The following RIMS2 variants were observed in gnomAD, a reference collection of about 807,000 sequenced individuals.
RIMS2 encodes regulating synaptic membrane exocytosis 2.
RIMS2 carries 59 observed loss-of-function variants against 174.4 expected under a neutral mutation model. The ratio of observed to expected loss-of-function variants is 0.34; its 90% CI spans 0.27 to 0.42. RIMS2 has a LOEUF of 0.42. Among genes scored for constraint, RIMS2 ranks in the 10% least tolerant of loss-of-function variants. RIMS2 has a pLI of 1.00. For synonymous variants in RIMS2, 606 were observed against 572.5 expected, an observed-to-expected ratio of 1.06 and a Z score of -0.84; for missense variants, 1,620 against 1,666.3, an observed-to-expected ratio of 0.97 and a Z score of 0.48.
chr8:103,580,330 G>T (rs2093530384), intron 1 of RIMS2, among the ~76,000 whole-genome samples: 1 of 151,862 alleles, frequency 6.6e-6, no homozygotes. Context: ...TAAGCTTGAA[G>T]GGGTGGAAAA....
intron 17 of RIMS2, among the ~76,000 whole-genome samples, chr8:104,006,960 A>T (rs997777741): frequency 9.2e-5 from 14 of 152,264 alleles, no homozygotes; most frequent in Admixed American, 2.0e-4. Flanking sequence ...AGAAAAAACT[A>T]TCCCTGCTAT....
At chr8:103,535,768 C>T (rs553759670) in intron 1 of RIMS2, among the ~76,000 whole-genome samples, 1 of 152,220 alleles carries the variant, frequency 6.6e-6, no homozygotes, top group South Asian at 2.1e-4. Context: ...CTCTGAGATT[C>T]GAGTGATGAA....
At chr8:103,645,092 T>C (rs1198833358) in intron 1 of RIMS2, among the ~76,000 whole-genome samples, 1 of 152,104 alleles carries the variant, frequency 6.6e-6, no homozygotes, top group Non-Finnish European at 1.5e-5. Context: ...TTTATCTATT[T>C]GTGAATGTTT....
chr8:104,245,037 CAG>C lies in RIMS2; in HGVS notation c.3457_3458del (p.Ser1153LeufsTer17). 6.2e-7 allele frequency: 1 copy of C among 1,613,758 alleles called. No homozygotes were observed. Among genetic ancestry groups the C allele is most frequent in the Non-Finnish European group, 8.5e-7 (1 of 1,179,724 alleles). ...GAGAGTCTACAGATGGTAGCATGAA[CAG>C]CTACAGCTCAGAAGGAAAGTGAGTG... On this transcript the variant is annotated frameshift_variant, in exon 20 of 24. Coordinates refer to ENST00000504942, the Ensembl canonical transcript of RIMS2. LOFTEE classifies it high-confidence loss of function.
At chr8:103,899,478 G>T (rs1313024277) in intron 4 of RIMS2, among the ~76,000 whole-genome samples, 1 of 151,790 alleles carries the variant, frequency 6.6e-6, no homozygotes, top group Non-Finnish European at 1.5e-5. Flanking sequence ...GGCCAGTGAT[G>T]ATGAGCATTT....
At chr8:104,168,877 A>G (rs756927242) in intron 19 of RIMS2, among the ~76,000 whole-genome samples, 5 of 152,040 alleles carry the variant, frequency 3.3e-5, no homozygotes, top group Non-Finnish European at 7.4e-5. Flanking sequence ...ATTTTATCAA[A>G]TGCTTTTTCT....
chr8:103,665,271 A>G (rs922013944), intron 1 of RIMS2, among the ~76,000 whole-genome samples: 3 of 152,258 alleles, frequency 2.0e-5, no homozygotes, highest in Admixed American at 6.5e-5. Flanking sequence ...AACTTAAAGT[A>G]TAATGAAAAA....
Position 103,551,115 on chromosome 8 carries a change from T to A in RIMS2, c.176+50053T>A, listed in dbSNP as rs147895529. 3.7e-4 allele frequency among the ~76,000 whole-genome samples: 57 copies of A among 152,326 alleles called. 1 individual carries two copies. The highest frequency in any genetic ancestry group is 1.4e-3 in the African/African-American group (57 of 41,580). On this transcript the variant is annotated intron_variant, in intron 1 of 23. Coordinates refer to ENST00000504942, the Ensembl canonical transcript of RIMS2. Reference sequence around the variant, plus strand: ...TCATTTTATGAGGCCAGCATCATCCTGATACCAAAGCCTGGCAGAGACACA... The same window carrying A: ...TCATTTTATGAGGCCAGCATCATCCAGATACCAAAGCCTGGCAGAGACACA...
chr8:104,197,269 G>A (rs2099029677), intron 19 of RIMS2, among the ~76,000 whole-genome samples: 1 of 149,698 alleles, frequency 6.7e-6, no homozygotes, highest in East Asian at 2.0e-4. Flanking sequence ...TCCATTTCCT[G>A]GGTTCTTGCA....
chr8:103,611,065 T>G (rs2095352046), intron 1 of RIMS2, among the ~76,000 whole-genome samples: 1 of 152,200 alleles, frequency 6.6e-6, no homozygotes, highest in Non-Finnish European at 1.5e-5. Flanking sequence ...GTTGTATGTT[T>G]TTAGGAATTT....
At chr8:103,682,721 T>TA (rs2096895124) in intron 1 of RIMS2, among the ~76,000 whole-genome samples, 1 of 152,134 alleles carries the variant, frequency 6.6e-6, no homozygotes, top group Non-Finnish European at 1.5e-5. Flanking sequence ...TAAAATTTTT[T>TA]AAAAAAATCT....
intron 1 of RIMS2, among the ~76,000 whole-genome samples, chr8:103,605,263 G>T (rs1275167168): frequency 7.1e-6 from 1 of 140,636 alleles, no homozygotes; most frequent in Non-Finnish European, 1.5e-5. Flanking sequence ...ATAATCATGT[G>T]GTTTTTGTCT....
intron 2 of RIMS2, among the ~76,000 whole-genome samples, chr8:103,755,336 C>T (rs2097975079): frequency 6.6e-6 from 1 of 152,088 alleles, no homozygotes; most frequent in Non-Finnish European, 1.5e-5. Flanking sequence ...GGGTAACCTG[C>T]CTTTTCTCTC....
chr8:104,195,013 G>C (rs1054871291), intron 19 of RIMS2, among the ~76,000 whole-genome samples: 18 of 152,322 alleles, frequency 1.2e-4, no homozygotes, highest in African/African-American at 4.1e-4. Context: ...CAAGGAAAGG[G>C]AAACTGCTGA....
chr8:104,133,269 CA>C (rs1203055124), intron 19 of RIMS2, among the ~76,000 whole-genome samples: 1 of 152,076 alleles, frequency 6.6e-6, no homozygotes, highest in African/African-American at 2.4e-5. Flanking sequence ...GAGTTGTTTA[CA>C]AAGACAAATG....
chr8:104,127,332 A>T (rs2098439922), intron 19 of RIMS2, among the ~76,000 whole-genome samples: 1 of 152,212 alleles, frequency 6.6e-6, no homozygotes, highest in African/African-American at 2.4e-5. Context: ...TAAAACTTGA[A>T]GCAAAACCAT....
At chr8:103,920,975 G>A in intron 9 of RIMS2, 1 of 256,424 alleles carries the variant, frequency 3.9e-6, no homozygotes, top group Non-Finnish European at 7.7e-6. Flanking sequence ...CTCCAGCCTG[G>A]GCCACAGAAT....
At chr8:103,653,070 T>G (rs2096480646) in intron 1 of RIMS2, among the ~76,000 whole-genome samples, 2 of 152,200 alleles carry the variant, frequency 1.3e-5, no homozygotes, top group African/African-American at 4.8e-5. Context: ...CAATCTTTAG[T>G]CAAATAGTTT....
chr8:103,835,876 A>C (rs1466490077), intron 3 of RIMS2, among the ~76,000 whole-genome samples: 6 of 152,316 alleles, frequency 3.9e-5, no homozygotes, highest in African/African-American at 1.4e-4. Flanking sequence ...TTCTTTCTTT[A>C]CTACTTTACT....
Sources: allele counts gnomAD v4.1 joint callset (sites outside exome capture counted in the v4.1 genomes callset), GRCh38; gene constraint gnomAD v4.1.1; transcripts MANE v1.5; gene names NCBI Gene and HGNC (gene_info 2026-07-23, HGNC 2026-07-21).